Variants in LUC7L2 observed in about 807,000 individuals in gnomAD.
The protein encoded by LUC7L2 is LUC7 like 2, pre-mRNA splicing factor.
A neutral mutation model predicts 52.8 loss-of-function variants in LUC7L2; 25 were observed. That is an observed-to-expected ratio of 0.47 (90% CI 0.34 to 0.66). LUC7L2 has a LOEUF of 0.66. LUC7L2 is among the 30% of genes least tolerant of loss of function. LUC7L2 has a pLI of 0.01. For synonymous variants in LUC7L2, 144 were observed against 160.9 expected, an observed-to-expected ratio of 0.89 and a Z score of 0.80; for missense variants, 328 against 497.8, an observed-to-expected ratio of 0.66 and a Z score of 3.25.
intron 2 of LUC7L2, among the ~76,000 whole-genome samples, chr7:139,395,642 T>A (rs1397127800): frequency 6.6e-6 from 1 of 152,198 alleles, no homozygotes; most frequent in Non-Finnish European, 1.5e-5. Flanking sequence ...AAACATTTTC[T>A]GTTTGTTTTT....
At chr7:139,406,533 T>C (rs1795121806) in intron 5 of LUC7L2, among the ~76,000 whole-genome samples, 1 of 151,876 alleles carries the variant, frequency 6.6e-6, no homozygotes, top group Non-Finnish European at 1.5e-5. Flanking sequence ...TTTGTATTTT[T>C]AGTAGAGATA....
At chr7:139,373,056 T>C (rs1238520030) in intron 1 of LUC7L2, among the ~76,000 whole-genome samples, 2 of 152,226 alleles carry the variant, frequency 1.3e-5, no homozygotes, top group Non-Finnish European at 2.9e-5. Flanking sequence ...TATTATAAGG[T>C]GATTTGGTTC....
At chr7:139,343,599 A>G (rs985464512) in intron 1 of LUC7L2, among the ~76,000 whole-genome samples, 1 of 152,162 alleles carries the variant, frequency 6.6e-6, no homozygotes, top group African/African-American at 2.4e-5. Flanking sequence ...GAAGCCACAC[A>G]CATTCTAGTT....
chr7:139,365,938 A>G (rs1335706422), intron 1 of LUC7L2, among the ~76,000 whole-genome samples: 1 of 152,218 alleles, frequency 6.6e-6, no homozygotes, highest in Admixed American at 6.5e-5. Context: ...AGCTGCTAGA[A>G]TAGATATTGG....
intron 2 of LUC7L2, among the ~76,000 whole-genome samples, chr7:139,384,689 A>C (rs1433463544): frequency 6.6e-6 from 1 of 152,202 alleles, no homozygotes; most frequent in Non-Finnish European, 1.5e-5. Context: ...GAATACTCAA[A>C]AATAGTAAAC....
intron 2 of LUC7L2, among the ~76,000 whole-genome samples, chr7:139,392,077 CTAAA>C (rs1328256862): frequency 2.6e-5 from 4 of 152,242 alleles, no homozygotes; most frequent in African/African-American, 9.6e-5. Flanking sequence ...TTTTTAAAGG[CTAAA>C]TAGACACTGT....
intron 3 of LUC7L2, among the ~76,000 whole-genome samples, chr7:139,400,360 T>G (rs540473359): frequency 1.3e-5 from 2 of 152,124 alleles, no homozygotes; most frequent in African/African-American, 4.8e-5. Flanking sequence ...AATACAAAAA[T>G]TAGCCGGGCA....
intron 9 of LUC7L2, among the ~76,000 whole-genome samples, chr7:139,420,379 T>C (rs1795841970): frequency 2.0e-5 from 3 of 152,020 alleles, no homozygotes; most frequent in African/African-American, 7.3e-5. Flanking sequence ...ATTTTTGTAT[T>C]TTTAGTAGGG....
intron 2 of LUC7L2, among the ~76,000 whole-genome samples, chr7:139,381,833 C>G (rs982662881): frequency 2.0e-5 from 3 of 151,046 alleles, no homozygotes. Context: ...GCCTCACCCT[C>G]TGAGAGTGCT....
At chr7:139,401,410 A>G (rs1454049668) in intron 3 of LUC7L2, among the ~76,000 whole-genome samples, 1 of 152,126 alleles carries the variant, frequency 6.6e-6, no homozygotes, top group African/African-American at 2.4e-5. Flanking sequence ...TAACATTTGT[A>G]ATTTGCTTTT....
intron 8 of LUC7L2, chr7:139,416,759 T>G (rs1795641337): frequency 6.6e-6 from 1 of 152,266 alleles, no homozygotes; most frequent in Non-Finnish European, 1.5e-5. Context: ...AAAAACTTAC[T>G]TCTATGGTTA....
intron 1 of LUC7L2, chr7:139,341,035 C>G (rs931772180): frequency 4.5e-6 from 1 of 223,328 alleles, no homozygotes; most frequent in Non-Finnish European, 8.8e-6. Context: ...CAAATCCACA[C>G]CCACACCCCC....
At chr7:139,357,440 AG>A (rs762157636), upstream of LUC7L2, among the ~76,000 whole-genome samples, 1 of 152,156 alleles carries the variant, frequency 6.6e-6, no homozygotes, top group Non-Finnish European at 1.5e-5. Flanking sequence ...AATAAAAAAA[AG>A]AACTCAAATC....
intron 3 of LUC7L2, among the ~76,000 whole-genome samples, chr7:139,401,919 A>G (rs1255241084): frequency 6.6e-6 from 1 of 151,696 alleles, no homozygotes; most frequent in Non-Finnish European, 1.5e-5. Flanking sequence ...CCACCTGGCT[A>G]AATTTGGATT....
intron 1 of LUC7L2, among the ~76,000 whole-genome samples, chr7:139,366,599 T>C (rs553879890): frequency 2.0e-5 from 3 of 152,362 alleles, no homozygotes; most frequent in Admixed American, 2.0e-4. Flanking sequence ...CCGATTCATA[T>C]ACATGATGTC....
chr7:139,375,922 G>T, intron 1 of LUC7L2, 140 bp from the exon 2 acceptor site: 1 of 755,418 alleles, frequency 1.3e-6, no homozygotes, highest in African/African-American at 1.8e-5. Context: ...TCTATAGGAT[G>T]TATATAAAAA....
chr7:139,399,115 C>T (rs1471090774), intron 3 of LUC7L2, among the ~76,000 whole-genome samples: 2 of 151,902 alleles, frequency 1.3e-5, no homozygotes, highest in African/African-American at 4.8e-5. Flanking sequence ...CCATATCTGT[C>T]GTTGAATCTG....
chr7:139,415,573 C>CTTTTTTTTTT (rs376954972), intron 8 of LUC7L2, among the ~76,000 whole-genome samples: 1 of 116,204 alleles, frequency 8.6e-6, no homozygotes, highest in Non-Finnish European at 1.7e-5. Context: ...GGAAATAACG[C>CTTTTTTTTTT]TTTTTTTTTT....
In LUC7L2 at chr7:139,417,663, G is replaced by A. The variant is rs1569396836; in HGVS notation, c.935G>A (p.Arg312His). Reference protein sequence around the residue: ...RHRSRSSSRSRSRSHQRSRHS... With the variant: ...RHRSRSSSRSHSRSHQRSRHS... ...AGGTCCCGCTCCAGCAGCCGTAGCCGCAGCCGTAGCCACCAGAGAAGTCGG... is the reference window on the plus strand; with the variant it reads ...AGGTCCCGCTCCAGCAGCCGTAGCCACAGCCGTAGCCACCAGAGAAGTCGG... Residue 312 changes from arginine to histidine, a missense_variant, in exon 9 of 10, where the codon CGC becomes CAC. Arg to His is a conservative substitution (Grantham distance 29). This residue lies in a region of LUC7L2 where 195 missense variants were observed against 223.3 expected (regional missense o/e 0.87). Coordinates refer to ENST00000354926, the MANE Select transcript of LUC7L2 (RefSeq NM_016019.5). 3.1e-6 allele frequency: 5 copies of A among 1,613,978 alleles called. No homozygotes were observed. The highest frequency in any genetic ancestry group is 1.6e-4 in the Middle Eastern group (1 of 6,084).
Sources: gnomAD v4.1 joint callset for allele counts (sites outside exome capture counted in the v4.1 genomes callset) on GRCh38, gnomAD v4.1.1 for gene constraint, gnomAD v4.1.1 regional missense constraint, MANE v1.5 for transcripts, NCBI Gene and HGNC (gene_info 2026-07-23, HGNC 2026-07-21) for gene names.